IKBKB: variants seen among roughly 807,000 people sequenced by gnomAD.
The protein encoded by IKBKB is inhibitor of nuclear factor kappa B kinase subunit beta, also known as inhibitor of nuclear factor kappa-B kinase subunit beta.
Under a neutral mutation model 113.6 loss-of-function variants are expected in IKBKB, and 42 were observed. That is an observed-to-expected ratio of 0.37 (90% CI 0.29 to 0.48). The LOEUF is 0.48. Ranked by LOEUF, IKBKB falls within the 20% of genes least tolerant of loss-of-function variation. The probability of loss-of-function intolerance (pLI) is 0.99; values close to 1 mark genes in which losing one functional copy is unlikely to be tolerated. For synonymous variants in IKBKB, 296 were observed against 361.3 expected, an observed-to-expected ratio of 0.82 and a Z score of 2.05; for missense variants, 673 against 939.7, an observed-to-expected ratio of 0.72 and a Z score of 3.71.
intron 19 of IKBKB, among the ~76,000 whole-genome samples, chr8:42,324,346 C>G (rs781486172): frequency 2.4e-4 from 36 of 152,144 alleles, no homozygotes; most frequent in South Asian, 4.1e-4. Flanking sequence ...TTCACTGCAA[C>G]CTCCACCTCC....
chr8:42,292,406 T>C (rs1812821589), intron 4 of IKBKB, among the ~76,000 whole-genome samples: 1 of 152,172 alleles, frequency 6.6e-6, no homozygotes, highest in African/African-American at 2.4e-5. Context: ...CAGGAAGGGC[T>C]CGCATCCTAA....
intron 12 of IKBKB, among the ~76,000 whole-genome samples, chr8:42,318,132 C>T (rs903325389): frequency 1.3e-5 from 2 of 152,000 alleles, no homozygotes; most frequent in African/African-American, 2.4e-5. Context: ...TGTGGTGGTG[C>T]ATGCCTGTAG....
At chr8:42,329,796 T>G (rs1228575700) in intron 21 of IKBKB, 2 of 985,294 alleles carry the variant, frequency 2.0e-6, no homozygotes, top group East Asian at 1.1e-4. Flanking sequence ...ATGAGAAAAC[T>G]AGCCAAGTTA....
chr8:42,297,019 C>T (rs1019707511), intron 5 of IKBKB, among the ~76,000 whole-genome samples: 1 of 152,208 alleles, frequency 6.6e-6, no homozygotes, highest in Non-Finnish European at 1.5e-5. Context: ...TCAGTGCCTT[C>T]TTTAGGGCAT....
chr8:42,322,575 C>G (rs1486479063), intron 19 of IKBKB, 81 bp downstream of exon 19: 1 of 1,425,174 alleles, frequency 7.0e-7, no homozygotes, highest in African/African-American at 1.4e-5. Flanking sequence ...CGCCATCCCA[C>G]ACGGGACACC....
chr8:42,293,324 C>T, intron 4 of IKBKB, 119 bp from the exon 5 acceptor site: 2 of 1,214,060 alleles, frequency 1.6e-6, no homozygotes, highest in Non-Finnish European at 1.2e-6. Flanking sequence ...AAAAGCAGGT[C>T]CCCTAAAGAC....
At chr8:42,295,827 C>T (rs1813673188) in intron 5 of IKBKB, among the ~76,000 whole-genome samples, 1 of 152,136 alleles carries the variant, frequency 6.6e-6, no homozygotes, top group East Asian at 1.9e-4. Flanking sequence ...CAGAACCTCT[C>T]TGGTTACGTA....
intron 5 of IKBKB, 27 bp downstream of exon 5, chr8:42,293,539 C>T (rs1265245205): frequency 1.7e-5 from 27 of 1,614,088 alleles, no homozygotes; most frequent in South Asian, 2.2e-5. Context: ...GAATTCAGGC[C>T]GTGTCCTTCA....
At chr8:42,309,531 G>T (rs566437191) in intron 8 of IKBKB, 6 of 390,836 alleles carry the variant, frequency 1.5e-5, no homozygotes, top group African/African-American at 4.2e-5. Context: ...GAGGCAGGTG[G>T]ATCAGTTGAG....
intron 5 of IKBKB, among the ~76,000 whole-genome samples, chr8:42,298,910 C>T (rs565018007): frequency 1.3e-5 from 2 of 152,292 alleles, no homozygotes; most frequent in Admixed American, 6.5e-5. Context: ...CCACTGCCTG[C>T]CCCTGCATTC....
chr8:42,283,991 CTGTT>C (rs1469134233), intron 2 of IKBKB, among the ~76,000 whole-genome samples: 1 of 152,192 alleles, frequency 6.6e-6, no homozygotes, highest in Non-Finnish European at 1.5e-5. Context: ...CCATCGGTCT[CTGTT>C]TGTGGAACCC....
intron 7 of IKBKB, 91 bp from the exon 8 acceptor site, chr8:42,308,810 C>A: frequency 7.7e-7 from 1 of 1,293,794 alleles, no homozygotes; most frequent in Non-Finnish European, 1.1e-6. Flanking sequence ...AGGATGAAGC[C>A]AGGGGTGAAA....
At chr8:42,326,351 T>C in intron 20 of IKBKB, 1 of 483,782 alleles carries the variant, frequency 2.1e-6, no homozygotes, top group South Asian at 2.2e-5. Flanking sequence ...GAAATGCTGG[T>C]CAGGCACATG....
intron 2 of IKBKB, among the ~76,000 whole-genome samples, chr8:42,283,482 A>G (rs1470572073): frequency 6.6e-6 from 1 of 152,150 alleles, no homozygotes; most frequent in Non-Finnish European, 1.5e-5. Flanking sequence ...AACGTGGGAG[A>G]AGGAGGCAGC....
intron 2 of IKBKB, among the ~76,000 whole-genome samples, chr8:42,278,982 G>A (rs1232980602): frequency 6.6e-6 from 1 of 151,806 alleles, no homozygotes; most frequent in East Asian, 1.9e-4. Flanking sequence ...CAACAAGAGC[G>A]AAACTCTGTC....
At chr8:42,322,174 G>T (rs1199253913) in intron 18 of IKBKB, 21 bp downstream of exon 18, 1 of 1,585,870 alleles carries the variant, frequency 6.3e-7, no homozygotes, top group Non-Finnish European at 8.7e-7. Flanking sequence ...CGACCTTCCT[G>T]CTCTGGAGGA....
chr8:42,309,222 C>T (rs1363680838), intron 8 of IKBKB, among the ~76,000 whole-genome samples, 197 bp downstream of exon 8: 1 of 152,216 alleles, frequency 6.6e-6, no homozygotes, highest in Non-Finnish European at 1.5e-5. Context: ...GATAGAGTAG[C>T]TGTTAAGTCT....
At chr8:42,274,784 G>A (rs1356741303) in intron 2 of IKBKB, among the ~76,000 whole-genome samples, 4 of 41,720 alleles carry the variant, frequency 9.6e-5, no homozygotes, top group African/African-American at 1.7e-4. Flanking sequence ...CCCCGCCGGC[G>A]CGCCCCCCCC....
intron 5 of IKBKB, chr8:42,298,225 G>A (rs1814321570): frequency 1.0e-6 from 1 of 985,444 alleles, no homozygotes. Flanking sequence ...GCCTGATGGG[G>A]TGTGGCTCTG....
Sources: gnomAD v4.1 joint callset for allele counts (sites outside exome capture counted in the v4.1 genomes callset) on GRCh38, gnomAD v4.1.1 for gene constraint, MANE v1.5 for transcripts, NCBI Gene and HGNC (gene_info 2026-07-23, HGNC 2026-07-21) for gene names.